TRIP11: variants seen among roughly 807,000 people sequenced by gnomAD.
TRIP11 encodes the protein thyroid hormone receptor interactor 11, also known as thyroid receptor-interacting protein 11.
A neutral mutation model predicts 223.1 loss-of-function variants in TRIP11; 148 were observed. The observed-to-expected ratio is 0.66, with a 90% confidence interval of 0.58 to 0.76. TRIP11 has a LOEUF of 0.76. TRIP11 is among the 30% of genes least tolerant of loss of function. The pLI is 0.00. For synonymous variants in TRIP11, 762 were observed against 772.6 expected (o/e 0.99, Z 0.23); for missense variants, 2,043 against 2,222.0 (o/e 0.92, Z 1.62).
At chr14:91,991,021 C>A (rs532495107) in intron 15 of TRIP11, among the ~76,000 whole-genome samples, 6 of 152,314 alleles carry the variant, frequency 3.9e-5, no homozygotes, top group Admixed American at 2.0e-4. Flanking sequence ...ATTAAAACCA[C>A]AGGAAGACAG....
At chr14:92,028,252 T>C (rs1370095214) in intron 2 of TRIP11, among the ~76,000 whole-genome samples, 1 of 152,090 alleles carries the variant, frequency 6.6e-6, no homozygotes, top group Non-Finnish European at 1.5e-5. Context: ...TCCATAGCCA[T>C]ATGAGAGTCA....
intron 4 of TRIP11, among the ~76,000 whole-genome samples, chr14:92,020,287 C>A (rs1237763628): frequency 3.3e-5 from 5 of 151,598 alleles, no homozygotes; most frequent in Non-Finnish European, 5.9e-5. Flanking sequence ...AGAAAAGATT[C>A]CAAAATCCAA....
intron 7 of TRIP11, among the ~76,000 whole-genome samples, chr14:92,012,759 A>G (rs2056987798): frequency 6.6e-6 from 1 of 152,236 alleles, no homozygotes; most frequent in Non-Finnish European, 1.5e-5. Flanking sequence ...TGTCAGGAGC[A>G]TGGGAATAGT....
In TRIP11 at chr14:91,969,613, C is replaced by T; in HGVS notation, c.*60G>A. 1 of 1,533,088 alleles carries T rather than the reference C, an allele frequency of 6.5e-7. No homozygotes were observed. The highest frequency in any genetic ancestry group is 9.0e-7 in the Non-Finnish European group (1 of 1,108,186). The allele number at this position is 1,533,088 out of a possible 1,614,324, so 95.0% of individuals were successfully genotyped here. Reference sequence around the variant, plus strand: ...CCAAAGGCCACTTTGTGATAAAGTACATACATATAGTGTTCATGGTTTCTT... The same window carrying T: ...CCAAAGGCCACTTTGTGATAAAGTATATACATATAGTGTTCATGGTTTCTT... On this transcript the variant is annotated 3_prime_UTR_variant, in exon 21 of 21. Transcript: ENST00000267622.
chr14:92,006,560 C>G (rs2056905854), intron 10 of TRIP11, 112 bp from the exon 11 acceptor site: 4 of 1,167,860 alleles, frequency 3.4e-6, no homozygotes, highest in Non-Finnish European at 4.8e-6. Flanking sequence ...TATTTCTAAT[C>G]CTTCTTAAAA....
At chr14:91,983,668 C>T (rs2056570459) in intron 16 of TRIP11, among the ~76,000 whole-genome samples, 1 of 152,118 alleles carries the variant, frequency 6.6e-6, no homozygotes, top group African/African-American at 2.4e-5. Context: ...AATTTTTTAA[C>T]CATTTATGGC....
At chr14:91,981,949 C>CAA (rs1173591789) in intron 16 of TRIP11, among the ~76,000 whole-genome samples, 3 of 122,252 alleles carry the variant, frequency 2.5e-5, no homozygotes, top group African/African-American at 3.0e-5. Flanking sequence ...ACCGTCTCCA[C>CAA]AAAAAAAAAA....
chr14:91,981,012 A>ATATATATTTT (rs1301331303), intron 16 of TRIP11, among the ~76,000 whole-genome samples: 1 of 49,944 alleles, frequency 2.0e-5, no homozygotes, highest in African/African-American at 6.7e-5. Flanking sequence ...ATATATATAT[A>ATATATATTTT]TTTTTTTTTT....
At chr14:91,987,248 C>T (rs991206546) in intron 16 of TRIP11, among the ~76,000 whole-genome samples, 1 of 152,170 alleles carries the variant, frequency 6.6e-6, no homozygotes, top group African/African-American at 2.4e-5. Context: ...TTGGCAGTAA[C>T]TTGCCTCAGA....
rs774017182 is a variant in TRIP11, at chr14:91,999,229, G to T, written c.4892+11C>A. ...TCAGTTAAAGTTAATGCAAAAAAATGAAAAAATTACCTTGCATTTTCCATT... is the reference window on the plus strand; with the variant it reads ...TCAGTTAAAGTTAATGCAAAAAAATTAAAAAATTACCTTGCATTTTCCATT... On this transcript the variant is annotated intron_variant, in intron 13 of 20. Transcript: ENST00000267622. 3.1e-6 allele frequency: 5 copies of T among 1,611,510 alleles called. No individual in the cohort carries two copies. Among genetic ancestry groups the T allele is most frequent in the Admixed American group, 1.7e-5 (1 of 59,982 alleles).
At chr14:92,024,012 C>T (rs965555263) in intron 3 of TRIP11, among the ~76,000 whole-genome samples, 12 of 151,530 alleles carry the variant, frequency 7.9e-5, no homozygotes, top group Admixed American at 2.6e-4. Context: ...TACGCCACCA[C>T]GTCCGGCTAA....
chr14:91,979,558 A>G lies in TRIP11; in HGVS notation c.5261-3369T>C, dbSNP rs1312538339. 2.0e-5 allele frequency among the ~76,000 whole-genome samples: 3 copies of G among 152,284 alleles called. No homozygotes were observed. In the East Asian group the frequency reaches 5.8e-4, roughly 29 times the overall value. ...GACAGGGTTAAAATTTCCTAAACTC[A>G]CTATCAGAACATACAGTTTGTCCCT... On this transcript the variant is annotated intron_variant, in intron 16 of 20. Transcript: ENST00000267622.
chr14:91,997,016 G>A (rs2056759763), intron 13 of TRIP11, among the ~76,000 whole-genome samples: 1 of 152,134 alleles, frequency 6.6e-6, no homozygotes, highest in South Asian at 2.1e-4. Context: ...AGCTCATTAG[G>A]ATCAACTCAT....
intron 19 of TRIP11, among the ~76,000 whole-genome samples, chr14:91,973,644 A>G (rs1038139671): frequency 2.6e-5 from 4 of 152,218 alleles, no homozygotes; most frequent in Non-Finnish European, 5.9e-5. Flanking sequence ...CTTTCCTTTA[A>G]ATTAAATTTT....
chr14:91,989,678 T>G (rs2056648999), intron 15 of TRIP11, among the ~76,000 whole-genome samples: 1 of 151,976 alleles, frequency 6.6e-6, no homozygotes, highest in Non-Finnish European at 1.5e-5. Flanking sequence ...CAGTCCCCAG[T>G]TATTCAATCA....
At chr14:91,975,883 T>G (rs2056457887) in intron 17 of TRIP11, among the ~76,000 whole-genome samples, 1 of 152,118 alleles carries the variant, frequency 6.6e-6, no homozygotes, top group South Asian at 2.1e-4. Context: ...TTCTATATGG[T>G]TTTAAGAAAA....
intron 18 of TRIP11, 117 bp from the exon 19 acceptor site, chr14:91,974,860 A>G (rs1056969602): frequency 4.6e-6 from 4 of 871,510 alleles, no homozygotes; most frequent in Non-Finnish European, 7.3e-6. Context: ...TTCAAGTCCT[A>G]GTAAATGTTT....
rs886050894 is a variant in TRIP11, at chr14:91,968,479, T to C, written c.*1194A>G. Reference sequence around the variant, plus strand: ...GACTCTCGGATTGCTGTACCTCATATGTCAACACCGCAGACGGAGGCAGGA... The same window carrying C: ...GACTCTCGGATTGCTGTACCTCATACGTCAACACCGCAGACGGAGGCAGGA... On this transcript the variant is annotated 3_prime_UTR_variant, in exon 21 of 21. Transcript: ENST00000267622. 1 of 214,986 alleles carries C rather than the reference T, an allele frequency of 4.7e-6. No homozygotes were observed. The highest frequency in any genetic ancestry group is 9.4e-6 in the Non-Finnish European group (1 of 106,384). The allele number at this position is 214,986 out of a possible 1,614,324, so 13.3% of individuals were successfully genotyped here. A position where few individuals can be genotyped will look rare whatever the true frequency, so the allele number is the denominator to read the frequency against.
chr14:92,034,908 A>T (rs1217542376), intron 1 of TRIP11, among the ~76,000 whole-genome samples: 1 of 152,182 alleles, frequency 6.6e-6, no homozygotes, highest in Admixed American at 6.5e-5. Context: ...TGCTGGGATT[A>T]CAAGTGTAAG....
Sources: gnomAD v4.1 joint callset for allele counts (sites outside exome capture counted in the v4.1 genomes callset) on GRCh38, gnomAD v4.1.1 for gene constraint, MANE v1.5 for transcripts, NCBI Gene and HGNC (gene_info 2026-07-23, HGNC 2026-07-21) for gene names.